The following MYO18B variants were observed in gnomAD, a reference collection of about 807,000 sequenced individuals.
The protein encoded by MYO18B is myosin XVIIIB, also known as unconventional myosin-XVIIIb.
A neutral mutation model predicts 273.0 loss-of-function variants in MYO18B; 204 were observed. The ratio of observed to expected loss-of-function variants is 0.75; its 90% CI spans 0.67 to 0.84. MYO18B has a LOEUF of 0.84. Ranked by LOEUF, MYO18B falls within the 40% of genes least tolerant of loss-of-function variation. MYO18B has a pLI of 0.00. For missense variants in MYO18B, 3,212 were observed against 3,287.6 expected, an observed-to-expected ratio of 0.98 and a Z score of 0.56; for synonymous variants, 1,330 against 1,305.7, an observed-to-expected ratio of 1.02 and a Z score of -0.40.
intron 33 of MYO18B, among the ~76,000 whole-genome samples, chr22:25,916,724 G>A (rs1036619224): frequency 2.0e-5 from 3 of 152,076 alleles, no homozygotes; most frequent in African/African-American, 7.2e-5. Flanking sequence ...CTAGTTATTG[G>A]TAGAGTTTAA....
chr22:26,047,442 TTGTA>T, the MYO18B span, among the ~76,000 whole-genome samples: 2 of 152,134 alleles, frequency 1.3e-5, no homozygotes, highest in African/African-American at 4.8e-5. Context: ...CCCATTTTTA[TTGTA>T]TGTATGTTTA....
At chr22:26,007,739 G>A (rs971742386) in intron 42 of MYO18B, among the ~76,000 whole-genome samples, 1 of 152,260 alleles carries the variant, frequency 6.6e-6, no homozygotes, top group Middle Eastern at 3.4e-3. Context: ...TCTGCAGAGG[G>A]AAATATCTTA....
intron 12 of MYO18B, among the ~76,000 whole-genome samples, chr22:25,814,915 A>G (rs2088934474): frequency 6.6e-6 from 1 of 152,232 alleles, no homozygotes; most frequent in East Asian, 1.9e-4. Context: ...TAAGTTACCT[A>G]AGGTCATGGA....
chr22:26,039,665 T>TTCA, the MYO18B span, among the ~76,000 whole-genome samples: 1 of 152,088 alleles, frequency 6.6e-6, no homozygotes, highest in Non-Finnish European at 1.5e-5. Flanking sequence ...AGTTTGGGGG[T>TTCA]ACAGGTGGTT....
chr22:25,932,590 A>G (rs979202711), intron 34 of MYO18B, among the ~76,000 whole-genome samples: 4 of 151,856 alleles, frequency 2.6e-5, no homozygotes, highest in Admixed American at 1.3e-4. Context: ...TTGTATTTTT[A>G]GTAGAGACGG....
chr22:26,060,969 AAC>A, the MYO18B span, among the ~76,000 whole-genome samples: 2 of 151,782 alleles, frequency 1.3e-5, no homozygotes, highest in Non-Finnish European at 2.9e-5. Context: ...TGCACACATG[AAC>A]ACACATATAC....
intron 12 of MYO18B, among the ~76,000 whole-genome samples, chr22:25,806,491 T>A (rs1429160740): frequency 6.6e-6 from 1 of 152,136 alleles, no homozygotes; most frequent in East Asian, 1.9e-4. Flanking sequence ...TTCCTTTCTG[T>A]CTCTCTGGCT....
At chr22:25,971,138 A>G (rs1379541795) in intron 39 of MYO18B, among the ~76,000 whole-genome samples, 1 of 152,234 alleles carries the variant, frequency 6.6e-6, no homozygotes, top group Non-Finnish European at 1.5e-5. Context: ...AGCCCTAGAC[A>G]TTATGCAAAT....
rs7287679 is a variant in MYO18B, at chr22:25,887,818, G to C, written c.4315-2938G>C. Among the ~76,000 whole-genome samples, 1,354 of 152,272 alleles carry C rather than the reference G, an allele frequency of 8.9e-3. 11 individuals are homozygous for C. Among genetic ancestry groups the C allele is most frequent in the African/African-American group, 0.031 (1,299 of 41,534 alleles). On this transcript the variant is annotated intron_variant, in intron 25 of 43. Transcript: ENST00000335473. The stretch of plus-strand genomic sequence containing the variant: ...AAGACTAATTGTCCTTTGGGCTCCA[G>C]ACTTTGGGTTCTGTGAAACTCAAAA...
Position 25,946,453 on chromosome 22 carries a change from A to T in MYO18B, c.5631+203A>T, listed in dbSNP as rs138317659. On this transcript the variant is annotated intron_variant, in intron 35 of 43. Coordinates refer to ENST00000335473, the MANE Select transcript of MYO18B (RefSeq NM_032608.7). ...TAAGAGGGACAAGGGGACTTATTGT[A>T]GACCTACTAGGTGCTCAGCGTTCTG... 1.8e-3 allele frequency among the ~76,000 whole-genome samples: 267 copies of T among 152,212 alleles called. 1 individual carries two copies. The highest frequency in any genetic ancestry group is 6.2e-3 in the African/African-American group (258 of 41,554).
chr22:25,796,110 G>A (rs4820656), intron 11 of MYO18B, among the ~76,000 whole-genome samples: 108,147 of 152,038 alleles, frequency 0.71, 38,547 homozygotes, highest in East Asian at 0.76. Flanking sequence ...TCCCATTCCC[G>A]GCTCACTTCC....
At chr22:25,798,805 TC>T (rs1181529556) in intron 12 of MYO18B, among the ~76,000 whole-genome samples, 2 of 152,118 alleles carry the variant, frequency 1.3e-5, no homozygotes, top group African/African-American at 4.8e-5. Context: ...GCTCAAGCAA[TC>T]TTCCTGCCTT....
intron 40 of MYO18B, 94 bp downstream of exon 40, chr22:25,992,587 C>T (rs1160469684): frequency 7.9e-6 from 12 of 1,527,606 alleles, no homozygotes; most frequent in Non-Finnish European, 1.1e-5. Context: ...GCCACATTCA[C>T]TGGGAAACCC....
intron 40 of MYO18B, among the ~76,000 whole-genome samples, chr22:25,997,954 CACAA>C (rs71191093): frequency 2.2e-5 from 3 of 136,984 alleles, no homozygotes; most frequent in Admixed American, 7.1e-5. Flanking sequence ...CACACACACA[CACAA>C]ACACACACAC....
At chr22:25,831,966 A>C (rs2089722823) in intron 15 of MYO18B, among the ~76,000 whole-genome samples, 1 of 152,290 alleles carries the variant, frequency 6.6e-6, no homozygotes, top group African/African-American at 2.4e-5. Context: ...AATTAAACAG[A>C]CATTTCTCCA....
In MYO18B at chr22:25,847,595, C is replaced by T. The variant is rs1156448221; in HGVS notation, c.3718C>T (p.Leu1240=). The change falls in exon 20 of 44, where the codon CTG becomes TTG. Residue 1240 remains leucine, a synonymous_variant. Coordinates refer to ENST00000335473, the MANE Select transcript of MYO18B (RefSeq NM_032608.7). Reference sequence around the variant, plus strand: ...ACCTCTGGCCCTGGATATCCCAGCACTGAGGGTCCAGCTTGCTGGGTTCCA... The same window carrying T: ...ACCTCTGGCCCTGGATATCCCAGCATTGAGGGTCCAGCTTGCTGGGTTCCA... ...GGPLALDIPA[L]RVQLAGFHIL... The T allele has an allele frequency of 6.4e-7, 1 of 1,566,584 alleles. No individual in the cohort carries two copies. Among genetic ancestry groups the T allele is most frequent in the Non-Finnish European group, 8.7e-7 (1 of 1,155,710 alleles).
intron 42 of MYO18B, among the ~76,000 whole-genome samples, chr22:26,005,747 C>T (rs529539825): frequency 1.3e-5 from 2 of 152,144 alleles, no homozygotes; most frequent in African/African-American, 2.4e-5. Flanking sequence ...CCCAGACAAC[C>T]GCTTCCTGAC....
At chr22:25,747,198 G>A (rs2085806178) in intron 1 of MYO18B, among the ~76,000 whole-genome samples, 1 of 152,170 alleles carries the variant, frequency 6.6e-6, no homozygotes, top group African/African-American at 2.4e-5. Context: ...TCAGTCAGGG[G>A]AACCTGTTAC....
chr22:25,794,794 G>C (rs1174399254), intron 11 of MYO18B, among the ~76,000 whole-genome samples: 8 of 152,150 alleles, frequency 5.3e-5, no homozygotes, highest in African/African-American at 1.9e-4. Context: ...GTGAGCCACT[G>C]CACCCAGCCA....
Sources: gnomAD v4.1 joint callset for allele counts (sites outside exome capture counted in the v4.1 genomes callset) on GRCh38, gnomAD v4.1.1 for gene constraint, MANE v1.5 for transcripts, NCBI Gene and HGNC (gene_info 2026-07-23, HGNC 2026-07-21) for gene names.